The following PKIB variants were observed in gnomAD, a reference collection of about 807,000 sequenced individuals.
The protein encoded by PKIB is PKI-beta.
In PKIB, 2 loss-of-function variants were observed where a neutral mutation model predicts 4.5. That is an observed-to-expected ratio of 0.44 (90% CI 0.18 to 1.39). The LOEUF is 1.39. Ranked by LOEUF, PKIB falls within the 40% of genes most tolerant of loss-of-function variation. The pLI, the probability that PKIB is intolerant of heterozygous loss-of-function variation, is 0.27. For synonymous variants in PKIB, 38 were observed against 36.0 expected (o/e 1.06, Z -0.20); for missense variants, 94 against 92.6 (o/e 1.02, Z -0.06).
intron 2 of PKIB, among the ~76,000 whole-genome samples, chr6:122,571,699 C>T (rs1773371652): frequency 6.6e-6 from 1 of 152,212 alleles, no homozygotes; most frequent in African/African-American, 2.4e-5. Context: ...AAATTTTCCA[C>T]TACCAAACCA....
intron 2 of PKIB, among the ~76,000 whole-genome samples, chr6:122,646,632 C>G (rs193196719): frequency 2.0e-5 from 3 of 152,058 alleles, no homozygotes; most frequent in East Asian, 3.9e-4. Flanking sequence ...ATCCGTGTTT[C>G]TTTTTATTAG....
At chr6:122,516,822 T>G (rs1776769515) in intron 2 of PKIB, among the ~76,000 whole-genome samples, 1 of 152,116 alleles carries the variant, frequency 6.6e-6, no homozygotes, top group Non-Finnish European at 1.5e-5. Flanking sequence ...CACGGAGCAA[T>G]GGAAAAGTGA....
rs546489729 is a variant in PKIB at position 122,548,141 on chromosome 6, C to T, written c.-247-37780C>T. On this transcript the variant is annotated intron_variant, in intron 2 of 6. Transcript: ENST00000392491. ...ACAAGGGTAATTTAATTTTAACAGA[C>T]CTGTTTTGACATGACTTGAATTGAT... Among the ~76,000 whole-genome samples, 3 of 152,258 alleles carry T rather than the reference C, an allele frequency of 2.0e-5. No individual in the cohort carries two copies. The South Asian group carries it at 6.2e-4, about 32-fold the overall frequency.
rs1182032402 is a variant in PKIB, at chr6:122,516,942, CT to C, written c.-248+39004del. ...GGTGAGCAGGTACCCAATTCTAATT[CT>C]GTGCTGATAACCTCCTCCCACCCAT... is the stretch of plus-strand genomic sequence containing the variant. On this transcript the variant is annotated intron_variant, in intron 2 of 6. Transcript: ENST00000392491. 2.0e-5 allele frequency among the ~76,000 whole-genome samples: 3 copies of C among 152,144 alleles called. No homozygotes were observed. In the East Asian group the frequency reaches 5.8e-4, roughly 29 times the overall value.
chr6:122,717,742 C>G (rs6920792), intron 3 of PKIB, 45 bp from the exon 4 acceptor site: 1,588,882 of 1,592,184 alleles, frequency 1, 792,856 homozygotes, highest in South Asian at 1. Flanking sequence ...TGAACATTTA[C>G]TTCTGAATAG....
intron 3 of PKIB, among the ~76,000 whole-genome samples, chr6:122,602,744 G>A (rs1481702976): frequency 1.3e-5 from 2 of 151,842 alleles, no homozygotes; most frequent in South Asian, 2.1e-4. Flanking sequence ...GCAAAATGCC[G>A]TCTCCCCTAA....
chr6:122,585,536 A>G (rs1054887986), intron 2 of PKIB: 1 of 152,134 alleles, frequency 6.6e-6, no homozygotes, highest in African/African-American at 2.4e-5. Flanking sequence ...GTGCTAAAGG[A>G]GAGGAATCTT....
chr6:122,475,097 G>A (rs1038601720), intron 1 of PKIB, among the ~76,000 whole-genome samples: 4 of 152,086 alleles, frequency 2.6e-5, no homozygotes, highest in Non-Finnish European at 4.4e-5. Context: ...TCAGTGGCCT[G>A]ATCTCGGCTC....
intron 2 of PKIB, among the ~76,000 whole-genome samples, chr6:122,577,870 C>T (rs1417700693): frequency 2.7e-5 from 4 of 149,322 alleles, no homozygotes; most frequent in Non-Finnish European, 5.9e-5. Flanking sequence ...GATCACGCCA[C>T]TGCACTCCAG....
intron 3 of PKIB, among the ~76,000 whole-genome samples, chr6:122,602,617 A>G (rs978244991): frequency 6.6e-6 from 1 of 152,162 alleles, no homozygotes; most frequent in African/African-American, 2.4e-5. Flanking sequence ...AAAATCCTGT[A>G]TCAATAGGGT....
chr6:122,646,854 C>A (rs1221289261), intron 2 of PKIB, among the ~76,000 whole-genome samples: 1 of 152,120 alleles, frequency 6.6e-6, no homozygotes, highest in African/African-American at 2.4e-5. Flanking sequence ...ATTTCTAGTA[C>A]ACCCTTGGGA....
At chr6:122,603,921 G>C (rs908276316) in intron 3 of PKIB, among the ~76,000 whole-genome samples, 1 of 152,152 alleles carries the variant, frequency 6.6e-6, no homozygotes, top group Non-Finnish European at 1.5e-5. Flanking sequence ...ATGTGTTAAG[G>C]TCATCCTGTT....
chr6:122,548,496 T>C (rs1054362979), intron 2 of PKIB, among the ~76,000 whole-genome samples: 1 of 152,254 alleles, frequency 6.6e-6, no homozygotes, highest in African/African-American at 2.4e-5. Flanking sequence ...ATATTTATTC[T>C]AGCTGTCATT....
intron 2 of PKIB, among the ~76,000 whole-genome samples, chr6:122,661,741 ACT>A (rs1452714220): frequency 6.6e-6 from 1 of 151,944 alleles, no homozygotes; most frequent in African/African-American, 2.4e-5. Flanking sequence ...TCATATGGTA[ACT>A]CTATGTTTAA....
chr6:122,490,965 G>A (rs919553975), intron 2 of PKIB, among the ~76,000 whole-genome samples: 2 of 152,066 alleles, frequency 1.3e-5, no homozygotes, highest in African/African-American at 4.8e-5. Flanking sequence ...AATCTATACT[G>A]GTCTCCAGCA....
chr6:122,541,853 C>G (rs1777616482), intron 2 of PKIB, among the ~76,000 whole-genome samples: 2 of 151,760 alleles, frequency 1.3e-5, no homozygotes, highest in South Asian at 2.1e-4. Context: ...TTCACATAGT[C>G]CCATATTTCT....
intron 2 of PKIB, among the ~76,000 whole-genome samples, chr6:122,499,906 C>T (rs1776176470): frequency 6.6e-6 from 1 of 152,030 alleles, no homozygotes. Flanking sequence ...GTAGCAATAA[C>T]ATTTAAGTGG....
chr6:122,556,212 A>G (rs1170998664), intron 2 of PKIB, among the ~76,000 whole-genome samples: 3 of 152,160 alleles, frequency 2.0e-5, no homozygotes, highest in African/African-American at 7.2e-5. Flanking sequence ...TGCTATGTGA[A>G]GAAGGACGTG....
At chr6:122,606,883 A>C (rs960018676), upstream of PKIB, among the ~76,000 whole-genome samples, 2 of 151,878 alleles carry the variant, frequency 1.3e-5, no homozygotes, top group South Asian at 4.2e-4. Flanking sequence ...TTGCAGCCAC[A>C]TCCTTCTCCC....
Sources: allele counts gnomAD v4.1 joint callset (sites outside exome capture counted in the v4.1 genomes callset), GRCh38; gene constraint gnomAD v4.1.1; transcripts MANE v1.5; gene names NCBI Gene and HGNC (gene_info 2026-07-23, HGNC 2026-07-21).